The following PDE4D variants were observed in gnomAD, a reference collection of about 807,000 sequenced individuals.
PDE4D encodes the protein 3',5'-cyclic-AMP phosphodiesterase 4D.
PDE4D carries 24 observed loss-of-function variants against 87.4 expected under a neutral mutation model. The observed-to-expected ratio is 0.27, with a 90% CI of 0.20 to 0.39. The LOEUF is 0.39. Ranked by LOEUF, PDE4D falls within the 10% of genes least tolerant of loss-of-function variation. The probability of loss-of-function intolerance (pLI) is 1.00; values close to 1 mark genes in which losing one functional copy is unlikely to be tolerated. For missense variants in PDE4D, 714 were observed against 1,041.0 expected, an observed-to-expected ratio of 0.69 and a Z score of 4.32; for synonymous variants, 384 against 383.2, an observed-to-expected ratio of 1.00 and a Z score of -0.02.
intron 1 of PDE4D, among the ~76,000 whole-genome samples, chr5:59,793,355 T>C (rs528382272): frequency 6.6e-6 from 1 of 152,354 alleles, no homozygotes; most frequent in East Asian, 1.9e-4. Flanking sequence ...ATATGATTTG[T>C]TTATTTCATG....
intron 1 of PDE4D, among the ~76,000 whole-genome samples, chr5:59,665,325 T>A (rs1276476028): frequency 2.0e-5 from 3 of 152,246 alleles, no homozygotes; most frequent in Non-Finnish European, 4.4e-5. Flanking sequence ...TTCTGAGGAC[T>A]ATTATTGATC....
chr5:59,418,844 T>G (rs1794050277), intron 1 of PDE4D, among the ~76,000 whole-genome samples: 1 of 151,986 alleles, frequency 6.6e-6, no homozygotes, highest in Non-Finnish European at 1.5e-5. Context: ...TAGTAGAGGT[T>G]TTACCACGTT....
intron 1 of PDE4D, among the ~76,000 whole-genome samples, chr5:59,324,237 C>T (rs1775241163): frequency 6.6e-6 from 1 of 152,166 alleles, no homozygotes. Flanking sequence ...TTCCCTGTAG[C>T]ACTTATGATA....
At chr5:59,987,503 A>G (rs1211113750) in intron 3 of PDE4D, 1 of 152,178 alleles carries the variant, frequency 6.6e-6, no homozygotes, top group Non-Finnish European at 1.5e-5. Context: ...TAAATTCAGT[A>G]TCTTTGAGTT....
intron 2 of PDE4D, among the ~76,000 whole-genome samples, chr5:59,194,482 A>G (rs2153487304): frequency 6.6e-6 from 1 of 152,328 alleles, no homozygotes; most frequent in East Asian, 1.9e-4. Context: ...CCCATGAAAC[A>G]TGCTGGGGCA....
chr5:59,424,193 C>T (rs1464762602), intron 1 of PDE4D, among the ~76,000 whole-genome samples: 1 of 152,022 alleles, frequency 6.6e-6, no homozygotes, highest in Non-Finnish European at 1.5e-5. Flanking sequence ...TTTGGCAGCA[C>T]TACATAGAGA....
intron 1 of PDE4D, among the ~76,000 whole-genome samples, chr5:60,323,338 T>A (rs1252428261): frequency 6.6e-6 from 1 of 152,198 alleles, no homozygotes; most frequent in African/African-American, 2.4e-5. Context: ...GCTTCCAATG[T>A]CCCTATCCCA....
chr5:59,498,228 T>G (rs776396800), intron 1 of PDE4D, among the ~76,000 whole-genome samples: 7 of 151,456 alleles, frequency 4.6e-5, no homozygotes, highest in Non-Finnish European at 8.8e-5. Flanking sequence ...TGAAAGCACA[T>G]GCAAGCAGAT....
chr5:60,075,942 T>C (rs1773238530), intron 2 of PDE4D, among the ~76,000 whole-genome samples: 1 of 152,178 alleles, frequency 6.6e-6, no homozygotes, highest in Non-Finnish European at 1.5e-5. Context: ...CTTCCTCAGA[T>C]TGGTTTCAAC....
At chr5:59,162,606 A>C (rs1364051236) in intron 5 of PDE4D, among the ~76,000 whole-genome samples, 2 of 151,938 alleles carry the variant, frequency 1.3e-5, no homozygotes, top group Non-Finnish European at 2.9e-5. Context: ...TGGGAGGCCA[A>C]GGCAGGAGAA....
At chr5:60,209,871 A>C (rs958459035) in intron 1 of PDE4D, among the ~76,000 whole-genome samples, 1 of 152,182 alleles carries the variant, frequency 6.6e-6, no homozygotes, top group Non-Finnish European at 1.5e-5. Context: ...CTCTGCAATA[A>C]TTATCTTAGT....
At chr5:59,038,797 T>G in intron 6 of PDE4D, 62 bp downstream of exon 6, 4 of 1,388,162 alleles carry the variant, frequency 2.9e-6, no homozygotes, top group Non-Finnish European at 3.8e-6. Context: ...TGGGTACCAG[T>G]GGCTCGCCGG....
intron 2 of PDE4D, among the ~76,000 whole-genome samples, chr5:60,101,006 A>G (rs1057346378): frequency 6.6e-6 from 1 of 152,080 alleles, no homozygotes; most frequent in Non-Finnish European, 1.5e-5. Flanking sequence ...ACAAGAACAA[A>G]ATGATCATGT....
At chr5:60,216,170 C>T (rs1743831214) in intron 1 of PDE4D, among the ~76,000 whole-genome samples, 1 of 152,032 alleles carries the variant, frequency 6.6e-6, no homozygotes, top group Admixed American at 6.6e-5. Flanking sequence ...TAGGGATCCA[C>T]CTTTGGCCTT....
intron 1 of PDE4D, among the ~76,000 whole-genome samples, chr5:59,289,200 C>A (rs1767546713): frequency 6.6e-6 from 1 of 151,848 alleles, no homozygotes; most frequent in African/African-American, 2.4e-5. Flanking sequence ...AAGCGGGGGA[C>A]AAAGTTAAAA....
In PDE4D at chr5:60,457,128, T is replaced by C. The variant is rs138689400; in HGVS notation, c.-90+30814A>G. ...TGCTCGACTGAGAGACCACCACATA[T>C]AGACACAGTAGAAGGAATACATAAA... On this transcript the variant is annotated intron_variant, in intron 1 of 16. Coordinates refer to the PDE4D transcript ENST00000502484. 4.1e-3 allele frequency among the ~76,000 whole-genome samples: 625 copies of C among 152,208 alleles called. 6 individuals carry two copies. The highest frequency in any genetic ancestry group is 0.014 in the African/African-American group (594 of 41,548).
At chr5:59,329,329 T>C (rs534370708) in intron 1 of PDE4D, among the ~76,000 whole-genome samples, 7 of 152,230 alleles carry the variant, frequency 4.6e-5, no homozygotes, top group Admixed American at 4.6e-4. Context: ...TCCCTGCAAA[T>C]GTTTTCATGG....
chr5:59,785,096 T>A (rs959669559), intron 1 of PDE4D, among the ~76,000 whole-genome samples: 1 of 152,184 alleles, frequency 6.6e-6, no homozygotes, highest in African/African-American at 2.4e-5. Context: ...TGGGCAAATA[T>A]TTAGGAAAAT....
intron 5 of PDE4D, among the ~76,000 whole-genome samples, chr5:59,132,697 C>T (rs1371621514): frequency 6.6e-6 from 1 of 152,116 alleles, no homozygotes; most frequent in Non-Finnish European, 1.5e-5. Context: ...ACTTCATGGC[C>T]TTTAAGACAT....
Sources: allele counts gnomAD v4.1 joint callset (sites outside exome capture counted in the v4.1 genomes callset), GRCh38; gene constraint gnomAD v4.1.1; transcripts MANE v1.5; gene names NCBI Gene and HGNC (gene_info 2026-07-23, HGNC 2026-07-21).